CYP7B1: variants seen among roughly 807,000 people sequenced by gnomAD.
CYP7B1 encodes the protein cytochrome P450 7B1.
Under a neutral mutation model 42.7 loss-of-function variants are expected in CYP7B1, and 29 were observed. The ratio of observed to expected loss-of-function variants is 0.68; its 90% CI spans 0.51 to 0.93. CYP7B1 has a LOEUF of 0.93. CYP7B1 is among the 40% of genes least tolerant of loss of function. The pLI, the probability that CYP7B1 is intolerant of heterozygous loss-of-function variation, is 0.00. For missense variants in CYP7B1, 655 were observed against 600.5 expected, an observed-to-expected ratio of 1.09 and a Z score of -0.95; for synonymous variants, 235 against 218.2, an observed-to-expected ratio of 1.08 and a Z score of -0.68.
At chr8:64,610,406 T>C (rs372875774) in intron 4 of CYP7B1, among the ~76,000 whole-genome samples, 1 of 152,180 alleles carries the variant, frequency 6.6e-6, no homozygotes, top group Non-Finnish European at 1.5e-5. Context: ...TAAATCCTCA[T>C]TAGAAGAGAG....
chr8:64,755,141 G>T (rs1050097028), intron 1 of CYP7B1, among the ~76,000 whole-genome samples: 1 of 152,124 alleles, frequency 6.6e-6, no homozygotes, highest in Non-Finnish European at 1.5e-5. Context: ...TTGCCTCACC[G>T]CAGGCTGACT....
At chr8:64,600,604 T>C (rs1004987842) in intron 5 of CYP7B1, among the ~76,000 whole-genome samples, 1 of 152,178 alleles carries the variant, frequency 6.6e-6, no homozygotes, top group Non-Finnish European at 1.5e-5. Flanking sequence ...TCTTCATGAC[T>C]TGGGTTCAAA....
intron 1 of CYP7B1, among the ~76,000 whole-genome samples, chr8:64,670,414 A>G (rs1295800648): frequency 6.6e-6 from 1 of 152,220 alleles, no homozygotes; most frequent in Non-Finnish European, 1.5e-5. Flanking sequence ...AATGAAAAAA[A>G]GATAGGCTTC....
At chr8:64,589,848 T>C (rs1478969142), downstream of CYP7B1, 1 of 152,212 alleles carries the variant, frequency 6.6e-6, no homozygotes, top group East Asian at 1.9e-4. Flanking sequence ...CAGTTTGCTG[T>C]AAGGGAAGTA....
intron 1 of CYP7B1, chr8:64,727,878 A>C (rs765249072): frequency 1.3e-5 from 2 of 152,244 alleles, no homozygotes; most frequent in Non-Finnish European, 2.9e-5. Context: ...TTTAAGAAGC[A>C]TGGTTAATTT....
intron 1 of CYP7B1, among the ~76,000 whole-genome samples, chr8:64,729,676 T>C (rs1010368287): frequency 1.3e-5 from 2 of 152,222 alleles, no homozygotes; most frequent in African/African-American, 4.8e-5. Flanking sequence ...AGCTTGAATT[T>C]CTCGTCATGA....
intron 5 of CYP7B1, among the ~76,000 whole-genome samples, chr8:64,599,427 A>C (rs188008166): frequency 1.3e-5 from 2 of 152,150 alleles, no homozygotes; most frequent in Non-Finnish European, 2.9e-5. Context: ...TGACCTCGTG[A>C]TCCGCCGGCC....
downstream of CYP7B1, among the ~76,000 whole-genome samples, chr8:64,586,762 A>G (rs1278661086): frequency 6.6e-6 from 1 of 152,234 alleles, no homozygotes; most frequent in Non-Finnish European, 1.5e-5. Flanking sequence ...GTGCCAAGCA[A>G]CTTTACATCA....
At chr8:64,604,984 T>C (rs1805258467) in intron 4 of CYP7B1, 127 bp from the exon 5 acceptor site, 3 of 1,131,580 alleles carry the variant, frequency 2.7e-6, no homozygotes, top group East Asian at 2.6e-5. Flanking sequence ...ATCACATACA[T>C]TGAGCACCAA....
At position 64,686,344 on chromosome 8, in the gene CYP7B1, G is replaced by A. The variant is rs1177455443; in HGVS notation, c.123-61805C>T. Among the ~76,000 whole-genome samples the A allele has an allele frequency of 1.3e-3, 46 of 36,088 alleles. 1 individual carries two copies. The South Asian group carries it at 0.034, about 27-fold the overall frequency. 23.7% of individuals were successfully genotyped at this position (36,088 alleles called of 152,430 possible). ...AGGTGAGGGGCGCCTCTGCCCGGCC[G>A]CCCCTACTGGGAAGTGAGGAGCCCC... On this transcript the variant is annotated intron_variant, in intron 1 of 5. Coordinates refer to ENST00000310193, the MANE Select transcript of CYP7B1 (RefSeq NM_004820.5).
At chr8:64,656,350 A>G (rs112627505) in intron 1 of CYP7B1, among the ~76,000 whole-genome samples, 4 of 152,224 alleles carry the variant, frequency 2.6e-5, no homozygotes, top group Non-Finnish European at 5.9e-5. Flanking sequence ...AGTAAATGTC[A>G]TGGGGGGTAG....
chr8:64,739,385 C>T (rs760248824), intron 1 of CYP7B1, among the ~76,000 whole-genome samples: 2 of 152,106 alleles, frequency 1.3e-5, no homozygotes, highest in African/African-American at 4.8e-5. Context: ...GAATTCCTAG[C>T]GAAGCTCAAG....
intron 4 of CYP7B1, among the ~76,000 whole-genome samples, chr8:64,607,018 C>G (rs1180684257): frequency 6.6e-6 from 1 of 152,184 alleles, no homozygotes; most frequent in East Asian, 1.9e-4. Context: ...CACTGACAGA[C>G]CAGCTGGGCC....
intron 1 of CYP7B1, among the ~76,000 whole-genome samples, chr8:64,720,847 T>C (rs1328547296): frequency 6.6e-6 from 1 of 152,136 alleles, no homozygotes; most frequent in Non-Finnish European, 1.5e-5. Context: ...ATGAAAGTGC[T>C]ATATACTTTC....
chr8:64,745,748 G>A (rs1002782552), intron 1 of CYP7B1, among the ~76,000 whole-genome samples: 2 of 152,118 alleles, frequency 1.3e-5, no homozygotes, highest in Admixed American at 1.3e-4. Context: ...ATCTACAATG[G>A]GGTCATCCCA....
intron 1 of CYP7B1, among the ~76,000 whole-genome samples, chr8:64,662,020 C>A (rs772480464): frequency 7.2e-5 from 11 of 151,992 alleles, no homozygotes; most frequent in Admixed American, 2.0e-4. Context: ...CAAGGCATGG[C>A]CCTAGCTTCC....
chr8:64,690,317 C>T (rs529310480), intron 1 of CYP7B1, among the ~76,000 whole-genome samples: 4 of 152,282 alleles, frequency 2.6e-5, no homozygotes, highest in Non-Finnish European at 4.4e-5. Context: ...GTAGGAGGAT[C>T]GATTGACCCT....
At chr8:64,736,529 C>A (rs1807490279) in intron 1 of CYP7B1, among the ~76,000 whole-genome samples, 1 of 152,182 alleles carries the variant, frequency 6.6e-6, no homozygotes, top group African/African-American at 2.4e-5. Flanking sequence ...TGGCTCACTG[C>A]AACCTCCGCC....
At chr8:64,761,571 G>C (rs1222559108) in intron 1 of CYP7B1, among the ~76,000 whole-genome samples, 1 of 152,022 alleles carries the variant, frequency 6.6e-6, no homozygotes, top group African/African-American at 2.4e-5. Context: ...ATATATGTAA[G>C]TACAGATTTG....
Sources: allele counts gnomAD v4.1 joint callset (sites outside exome capture counted in the v4.1 genomes callset), GRCh38; gene constraint gnomAD v4.1.1; transcripts MANE v1.5; gene names NCBI Gene and HGNC (gene_info 2026-07-23, HGNC 2026-07-21).